The following RGPD2 variants were observed in gnomAD, a reference collection of about 807,000 sequenced individuals.
The protein encoded by RGPD2 is RANBP2 like and GRIP domain containing 2.
RGPD2 carries 2 observed loss-of-function variants against 36.0 expected under a neutral mutation model. The observed-to-expected ratio is 0.06, with a 90% CI of 0.02 to 0.17. The LOEUF (loss-of-function observed/expected upper bound fraction) is 0.17. Among genes scored for constraint, RGPD2 ranks in the 10% least tolerant of loss-of-function variants. The pLI is 1.00. For synonymous variants in RGPD2, 19 were observed against 163.8 expected (o/e 0.12, Z 6.75); for missense variants, 40 against 464.3 (o/e 0.09, Z 8.40).
chr2:87,880,603 CAA>C, the RGPD2 span, among the ~76,000 whole-genome samples: 3 of 28,132 alleles, frequency 1.1e-4, no homozygotes, highest in Non-Finnish European at 1.9e-4. Flanking sequence ...AAAATGTGAA[CAA>C]GAGAGAGAGT....
At chr2:87,957,669 A>G in the RGPD2 span, among the ~76,000 whole-genome samples, 1 of 152,260 alleles carries the variant, frequency 6.6e-6, no homozygotes, top group African/African-American at 2.4e-5. Context: ...TGGATATTGG[A>G]TTTTAACATA....
the RGPD2 span, among the ~76,000 whole-genome samples, chr2:87,857,007 C>G: frequency 6.6e-6 from 1 of 152,194 alleles, no homozygotes; most frequent in African/African-American, 2.4e-5. Context: ...GCTCTTTTTG[C>G]TTGTCATTAT....
chr2:87,905,771 TAA>T, the RGPD2 span, among the ~76,000 whole-genome samples: 3 of 120,242 alleles, frequency 2.5e-5, no homozygotes, highest in Non-Finnish European at 3.5e-5. Context: ...ACCTCTTCTA[TAA>T]AAAAGTGTTT....
At chr2:87,957,238 G>GGT in the RGPD2 span, among the ~76,000 whole-genome samples, 59 of 142,102 alleles carry the variant, frequency 4.2e-4, 1 homozygote, top group Middle Eastern at 3.6e-3. Flanking sequence ...AAGGTCACTG[G>GGT]GGGGGGGCTC....
chr2:87,862,387 GTAAGGGAAAGTAAT>G, the RGPD2 span, among the ~76,000 whole-genome samples: 2 of 54,474 alleles, frequency 3.7e-5, no homozygotes, highest in Non-Finnish European at 6.8e-5. Flanking sequence ...GTGGTAATAG[GTAAGGGAAAGTAAT>G]TAAGGGAAAG....
the RGPD2 span, among the ~76,000 whole-genome samples, chr2:87,866,736 A>G: frequency 1.1e-4 from 17 of 151,956 alleles, no homozygotes; most frequent in East Asian, 9.8e-4. Flanking sequence ...TATGTTTGCA[A>G]TGGCCATGCA....
chr2:87,870,702 C>A, the RGPD2 span, among the ~76,000 whole-genome samples: 6 of 152,034 alleles, frequency 3.9e-5, no homozygotes, highest in Non-Finnish European at 7.4e-5. Flanking sequence ...CCACATTTTT[C>A]GAACTTTTAT....
the RGPD2 span, among the ~76,000 whole-genome samples, chr2:87,983,297 A>G: frequency 3.3e-5 from 5 of 152,148 alleles, no homozygotes; most frequent in African/African-American, 1.2e-4. Flanking sequence ...TCCAGCCTAG[A>G]TGACAGAGCA....
At chr2:87,839,933 G>A in the RGPD2 span, among the ~76,000 whole-genome samples, 2 of 151,850 alleles carry the variant, frequency 1.3e-5, no homozygotes, top group East Asian at 1.9e-4. Context: ...CCTCAAGAGT[G>A]TTTACACAAA....
chr2:87,986,573 G>C, the RGPD2 span, among the ~76,000 whole-genome samples: 3 of 151,704 alleles, frequency 2.0e-5, no homozygotes, highest in Admixed American at 2.0e-4. Flanking sequence ...GTTCTAGCTC[G>C]GGTGACAAAT....
the RGPD2 span, among the ~76,000 whole-genome samples, chr2:87,834,316 C>G: frequency 6.6e-6 from 1 of 151,918 alleles, no homozygotes; most frequent in Admixed American, 6.6e-5. Context: ...TCTGTGCACA[C>G]CATTTGAAGT....
chr2:87,985,592 A>T, the RGPD2 span: 1 of 833,588 alleles, frequency 1.2e-6, no homozygotes, highest in Admixed American at 2.2e-5. Flanking sequence ...CAACATATAG[A>T]TACAATAAAC....
chr2:87,971,486 T>TAAATATATATATAAGGAATATGTGAG, the RGPD2 span, among the ~76,000 whole-genome samples: 1 of 132,160 alleles, frequency 7.6e-6, no homozygotes, highest in South Asian at 2.5e-4. Flanking sequence ...GAATATATTA[T>TAAATATATATATAAGGAATATGTGAG]TATCTTCTCT....
chr2:87,930,638 G>T, the RGPD2 span, among the ~76,000 whole-genome samples: 3 of 151,558 alleles, frequency 2.0e-5, no homozygotes, highest in Non-Finnish European at 3.0e-5. Flanking sequence ...CAGCAGAAAT[G>T]GCTCCAGCTC....
At chr2:87,989,506 A>G in the RGPD2 span, among the ~76,000 whole-genome samples, 1 of 152,214 alleles carries the variant, frequency 6.6e-6, no homozygotes, top group Non-Finnish European at 1.5e-5. Flanking sequence ...AGTTTTTAAT[A>G]ATACAGAAAC....
the RGPD2 span, among the ~76,000 whole-genome samples, chr2:87,980,195 A>G: frequency 6.6e-6 from 1 of 150,728 alleles, no homozygotes; most frequent in African/African-American, 2.4e-5. Context: ...TACCAAAACT[A>G]CAAAAATTAG....
chr2:87,964,450 C>G, the RGPD2 span, among the ~76,000 whole-genome samples: 1 of 152,060 alleles, frequency 6.6e-6, no homozygotes, highest in Non-Finnish European at 1.5e-5. Context: ...CATTTTATTG[C>G]ACTACATTTT....
At chr2:87,948,455 C>T in the RGPD2 span, among the ~76,000 whole-genome samples, 2 of 151,190 alleles carry the variant, frequency 1.3e-5, no homozygotes, top group Non-Finnish European at 2.9e-5. Context: ...AATCTCGGCT[C>T]ACCGCAAACT....
the RGPD2 span, among the ~76,000 whole-genome samples, chr2:87,896,679 C>T: frequency 7.0e-5 from 3 of 43,012 alleles, no homozygotes; most frequent in Admixed American, 5.2e-4. Context: ...CCTTTGAAGT[C>T]ATGGCAAACA....
Sources: allele counts gnomAD v4.1 joint callset (sites outside exome capture counted in the v4.1 genomes callset), GRCh38; gene constraint gnomAD v4.1.1; transcripts MANE v1.5; gene names NCBI Gene and HGNC (gene_info 2026-07-23, HGNC 2026-07-21).